Variants in PAPSS2 observed in about 807,000 individuals in gnomAD.
PAPSS2 encodes the protein 3'-phosphoadenosine 5'-phosphosulfate synthase 2, also known as bifunctional 3'-phosphoadenosine 5'-phosphosulfate synthase 2.
In PAPSS2, 61 loss-of-function variants were observed where a neutral mutation model predicts 66.5. That is an observed-to-expected ratio of 0.92 (90% CI 0.75 to 1.14). The LOEUF (loss-of-function observed/expected upper bound fraction) is 1.14. Among genes scored for constraint, PAPSS2 ranks in the 50% most tolerant of loss-of-function variants. The pLI is 0.00. For missense variants in PAPSS2, 708 were observed against 789.6 expected (o/e 0.90, Z 1.24); for synonymous variants, 289 against 287.5 (o/e 1.01, Z -0.05).
chr10:87,661,601 G>C (rs1852753698), intron 1 of PAPSS2, among the ~76,000 whole-genome samples: 1 of 152,098 alleles, frequency 6.6e-6, no homozygotes, highest in Admixed American at 6.5e-5. Flanking sequence ...GGGACGAGGT[G>C]GTCTCTCCTC....
chr10:87,701,237 C>CT (rs1367441254), intron 1 of PAPSS2, among the ~76,000 whole-genome samples: 3 of 102,620 alleles, frequency 2.9e-5, no homozygotes, highest in African/African-American at 1.1e-4. Context: ...AATTTTCTTT[C>CT]TTTTTTCTTT....
Position 87,704,982 on chromosome 10 carries a change from G to A in PAPSS2, c.28-4214G>A, listed in dbSNP as rs192222132. 5.9e-5 allele frequency among the ~76,000 whole-genome samples: 9 copies of A among 152,266 alleles called. No homozygotes were observed. In the South Asian group the frequency reaches 6.2e-4, roughly 11 times the overall value. The stretch of plus-strand genomic sequence containing the variant: ...TCAAAACAGCTCTGTGTTTGTGTGC[G>A]TGTACATGGTAAAATTTACAACGAA... On this transcript the variant is annotated intron_variant, in intron 1 of 12. Transcript: ENST00000456849.
chr10:87,717,829 C>T (rs1853550186), intron 7 of PAPSS2, among the ~76,000 whole-genome samples: 1 of 152,114 alleles, frequency 6.6e-6, no homozygotes, highest in Admixed American at 6.6e-5. Flanking sequence ...TTCCTCCAGT[C>T]ATCCTCCTGC....
At chr10:87,702,800 C>A (rs755703976) in intron 1 of PAPSS2, among the ~76,000 whole-genome samples, 1 of 152,152 alleles carries the variant, frequency 6.6e-6, no homozygotes, top group Non-Finnish European at 1.5e-5. Context: ...AGGGCTTTTT[C>A]ATTCCCCAAG....
intron 1 of PAPSS2, among the ~76,000 whole-genome samples, chr10:87,672,857 G>A (rs1260320828): frequency 1.3e-5 from 2 of 152,186 alleles, no homozygotes; most frequent in East Asian, 3.8e-4. Flanking sequence ...ATGGGGAGAA[G>A]TGAAAGGAAA....
At position 87,659,881 on chromosome 10, in the gene PAPSS2, CGCTGCT is replaced by C. The variant is rs3217087; in HGVS notation, c.-80_-75del. 1,018 of 1,037,656 alleles carry C rather than the reference CGCTGCT, an allele frequency of 9.8e-4. 1 individual carries two copies. Among genetic ancestry groups the C allele is most frequent in the African/African-American group, 6.8e-3 (431 of 63,172 alleles). 64.3% of individuals were successfully genotyped at this position (1,037,656 alleles called of 1,614,324 possible). A position where few individuals can be genotyped will look rare whatever the true frequency, so the allele number is the denominator to read the frequency against. ...ACCTCCTTCCCGGGAGTCCGGCAGC[CGCTGCT>C]GCTGCTGCTGCTGCTGCTGCCGCCG... On this transcript the variant is annotated 5_prime_UTR_variant, in exon 1 of 13. Transcript: ENST00000456849.
intron 1 of PAPSS2, among the ~76,000 whole-genome samples, chr10:87,700,416 G>A (rs953785970): frequency 2.6e-5 from 4 of 152,120 alleles, no homozygotes; most frequent in East Asian, 1.9e-4. Flanking sequence ...CAGCACTTTG[G>A]GATGTTGAGG....
At chr10:87,717,595 C>T (rs1853546954) in intron 7 of PAPSS2, among the ~76,000 whole-genome samples, 1 of 152,174 alleles carries the variant, frequency 6.6e-6, no homozygotes, top group African/African-American at 2.4e-5. Flanking sequence ...TAGGGTCTTG[C>T]TCCATCACCC....
In PAPSS2 at chr10:87,713,312, T is replaced by TAAAAAAAAAAA. The variant is rs367885911; in HGVS notation, c.381+14_381+24dup. 371 of 575,058 alleles carry TAAAAAAAAAAA rather than the reference T, an allele frequency of 6.5e-4. 22 individuals are homozygous for TAAAAAAAAAAA. Among genetic ancestry groups the TAAAAAAAAAAA allele is most frequent in the East Asian group, 4.1e-3 (77 of 18,746 alleles). The allele number at this position is 575,058 out of a possible 1,614,324, so 35.6% of individuals were successfully genotyped here. ...AGCTTTATTTCTCCATTCGCAAAGG[T>TAAAAAAAAAAA]AAAAAAAAAAAAAAAAAAAAAAGGC... On this transcript the variant is annotated splice_region_variant and intron_variant, in intron 3 of 12. Transcript: ENST00000456849.
At chr10:87,684,065 T>C (rs1321051067) in intron 1 of PAPSS2, among the ~76,000 whole-genome samples, 2 of 152,232 alleles carry the variant, frequency 1.3e-5, no homozygotes, top group African/African-American at 2.4e-5. Context: ...CTGCATAGCT[T>C]TTTTGAATTC....
At chr10:87,699,795 A>G in intron 1 of PAPSS2, among the ~76,000 whole-genome samples, 1 of 143,500 alleles carries the variant, frequency 7.0e-6, no homozygotes, top group African/African-American at 2.7e-5. Context: ...GGTTTCAGTG[A>G]GTCGAGATCA....
At chr10:87,689,222 C>T (rs1853132479) in intron 1 of PAPSS2, among the ~76,000 whole-genome samples, 1 of 143,678 alleles carries the variant, frequency 7.0e-6, no homozygotes, top group Admixed American at 7.2e-5. Context: ...TGCCTGCAAT[C>T]CTAGCTACTC....
chr10:87,708,128 G>C (rs1026304639), intron 1 of PAPSS2, among the ~76,000 whole-genome samples: 1 of 151,872 alleles, frequency 6.6e-6, no homozygotes, highest in Non-Finnish European at 1.5e-5. Context: ...GTATTTATTG[G>C]CTCACTTTAC....
chr10:87,711,156 C>A (rs1853458971), intron 2 of PAPSS2, among the ~76,000 whole-genome samples: 1 of 152,220 alleles, frequency 6.6e-6, no homozygotes, highest in Non-Finnish European at 1.5e-5. Context: ...CCCAACTCCA[C>A]CTCCATGAGC....
At chr10:87,710,374 C>A (rs1344716107) in intron 2 of PAPSS2, among the ~76,000 whole-genome samples, 2 of 152,194 alleles carry the variant, frequency 1.3e-5, no homozygotes, top group Non-Finnish European at 1.5e-5. Context: ...GAGCAAGGAA[C>A]CTGCTGTGCT....
chr10:87,743,524 G>A lies in PAPSS2; in HGVS notation c.1374G>A (p.Val458=). 2.5e-6 allele frequency: 4 copies of A among 1,614,144 alleles called. No individual in the cohort carries two copies. The highest frequency in any genetic ancestry group is 3.4e-6 in the Non-Finnish European group (4 of 1,180,020). The change falls in exon 11 of 13, where the codon GTG becomes GTA. Residue 458 remains valine (V), a synonymous_variant. Coordinates refer to ENST00000456849, the MANE Select transcript of PAPSS2 (RefSeq NM_001015880.2). Reference sequence around the variant, plus strand: ...GCGGCTGGACCAAGGATGACGATGTGCCTCTAGACTGGCGGATGAAGCAGC... The same window carrying A: ...GCGGCTGGACCAAGGATGACGATGTACCTCTAGACTGGCGGATGAAGCAGC... ...PLGGWTKDDD[V]PLDWRMKQHA...
chr10:87,704,948 G>T (rs1189853022), intron 1 of PAPSS2, among the ~76,000 whole-genome samples: 1 of 152,130 alleles, frequency 6.6e-6, no homozygotes, highest in Non-Finnish European at 1.5e-5. Flanking sequence ...AGCCTCGTTT[G>T]CTTACTTTTC....
rs1554860694 is a variant in PAPSS2 at position 87,659,878 on chromosome 10, A to AGCC, written c.-101_-99dup. 88 of 1,004,962 alleles carry AGCC rather than the reference A, an allele frequency of 8.8e-5. No individual in the cohort carries two copies. The African/African-American group carries it at 1.1e-3, about 13-fold the overall frequency. 62.3% of individuals were successfully genotyped at this position (1,004,962 alleles called of 1,614,324 possible). A position where few individuals can be genotyped will look rare whatever the true frequency, so the allele number is the denominator to read the frequency against. On this transcript the variant is annotated 5_prime_UTR_variant, in exon 1 of 13. Transcript: ENST00000456849. ...TATACCTCCTTCCCGGGAGTCCGGC[A>AGCC]GCCGCTGCTGCTGCTGCTGCTGCTG... is the stretch of plus-strand genomic sequence containing the variant.
intron 1 of PAPSS2, among the ~76,000 whole-genome samples, chr10:87,707,655 G>A (rs1853410171): frequency 1.4e-5 from 2 of 140,056 alleles, no homozygotes; most frequent in Non-Finnish European, 3.0e-5. Flanking sequence ...CTGCAGCCTT[G>A]GCCTCCTGGG....
Sources: gnomAD v4.1 joint callset for allele counts (sites outside exome capture counted in the v4.1 genomes callset) on GRCh38, gnomAD v4.1.1 for gene constraint, MANE v1.5 for transcripts, NCBI Gene and HGNC (gene_info 2026-07-23, HGNC 2026-07-21) for gene names.